Variants in DIAPH2 observed in about 807,000 individuals in gnomAD.
DIAPH2 encodes the protein protein diaphanous homolog 2.
A neutral mutation model predicts 92.7 loss-of-function variants in DIAPH2; 35 were observed. That is an observed-to-expected ratio of 0.38 (90% CI 0.29 to 0.50). The LOEUF (loss-of-function observed/expected upper bound fraction) is 0.50, where lower values mean the gene tolerates loss of function less well. DIAPH2 is among the 20% of genes least tolerant of loss of function. DIAPH2 has a pLI of 0.94. For synonymous variants in DIAPH2, 301 were observed against 280.4 expected, an observed-to-expected ratio of 1.07 and a Z score of -0.73; for missense variants, 701 against 819.5, an observed-to-expected ratio of 0.86 and a Z score of 1.77.
At chrX:97,540,765 T>G (rs1161429936) in intron 26 of DIAPH2, among the ~76,000 whole-genome samples, 1 of 111,944 alleles carries the variant, frequency 8.9e-6, no homozygotes, top group African/African-American at 3.2e-5. Flanking sequence ...GCTTGACAAA[T>G]AATAATGAGC....
chrX:97,201,131 A>ACT (rs567588102), intron 22 of DIAPH2, among the ~76,000 whole-genome samples: 1 of 68,903 alleles, frequency 1.5e-5, no homozygotes, highest in African/African-American at 5.9e-5. Flanking sequence ...AACAAGAAAG[A>ACT]CCCCCCCCCC....
chrX:96,778,514 A>G (rs1276605318), intron 4 of DIAPH2, among the ~76,000 whole-genome samples: 1 of 110,964 alleles, frequency 9.0e-6, no homozygotes, highest in Admixed American at 9.7e-5. Context: ...ACTTTCTCCT[A>G]TATAAACATA....
At chrX:97,523,806 A>G (rs768968097) in intron 26 of DIAPH2, among the ~76,000 whole-genome samples, 1 of 111,959 alleles carries the variant, frequency 8.9e-6, no homozygotes, top group East Asian at 2.8e-4. Flanking sequence ...AAACTGTTGT[A>G]AGCTATTGAT....
chrX:96,832,952 G>T (rs2147691270), intron 4 of DIAPH2, among the ~76,000 whole-genome samples: 1 of 111,964 alleles, frequency 8.9e-6, no homozygotes, highest in African/African-American at 3.2e-5. Context: ...AACAATGGAA[G>T]AAGTATTGAT....
At chrX:97,082,615 G>A (rs372365503) in intron 19 of DIAPH2, among the ~76,000 whole-genome samples, 4 of 111,348 alleles carry the variant, frequency 3.6e-5, no homozygotes, top group East Asian at 5.6e-4. Flanking sequence ...CTGGGCGACA[G>A]AGCGAGACTC....
intron 23 of DIAPH2, among the ~76,000 whole-genome samples, chrX:97,293,330 G>A (rs1222961596): frequency 2.1e-5 from 2 of 93,293 alleles, no homozygotes; most frequent in African/African-American, 8.5e-5. Flanking sequence ...TTGGCTCACT[G>A]CAACCTCCGC....
intron 23 of DIAPH2, among the ~76,000 whole-genome samples, chrX:97,325,744 A>C (rs2068945658): frequency 9.1e-6 from 1 of 109,930 alleles, no homozygotes; most frequent in African/African-American, 3.3e-5. Flanking sequence ...CGCCCAGCTA[A>C]TTTTTTGTAT....
At chrX:97,370,911 C>A (rs964655438) in intron 24 of DIAPH2, among the ~76,000 whole-genome samples, 18 of 112,124 alleles carry the variant, frequency 1.6e-4, no homozygotes, top group African/African-American at 5.5e-4. Flanking sequence ...CCAAAGGTGG[C>A]TATTTGTAGG....
At chrX:97,202,751 A>G (rs923325893) in intron 22 of DIAPH2, among the ~76,000 whole-genome samples, 5 of 111,531 alleles carry the variant, frequency 4.5e-5, no homozygotes, top group Non-Finnish European at 9.4e-5. Flanking sequence ...TTAACACCCC[A>G]CTGTCAATGT....
At position 96,951,015 on chromosome X, in the gene DIAPH2, G is replaced by A. The variant is rs781211350; in HGVS notation, c.1614+1976G>A. Among the ~76,000 whole-genome samples the A allele has an allele frequency of 6.3e-5, 7 of 111,755 alleles. No homozygotes were observed. The South Asian group carries it at 1.5e-3, about 24-fold the overall frequency. On this transcript the variant is annotated intron_variant, in intron 15 of 26. Coordinates refer to ENST00000324765, the MANE Select transcript of DIAPH2 (RefSeq NM_006729.5). Reference sequence around the variant, plus strand: ...TTCCATAGTCCAATAAATTGAGTACGCATGAAATTCTCATCTTAGAGATTC... The same window carrying A: ...TTCCATAGTCCAATAAATTGAGTACACATGAAATTCTCATCTTAGAGATTC...
chrX:97,311,256 G>T (rs192234733), intron 23 of DIAPH2, among the ~76,000 whole-genome samples: 3 of 111,356 alleles, frequency 2.7e-5, no homozygotes, highest in Non-Finnish European at 5.7e-5. Context: ...AGTAATCTAG[G>T]CTAGTATTAG....
intron 26 of DIAPH2, among the ~76,000 whole-genome samples, chrX:97,502,654 G>A (rs4827902): frequency 0.42 from 46,419 of 111,458 alleles, 8,169 homozygotes; most frequent in Non-Finnish European, 0.56. Flanking sequence ...ATTGTTAATT[G>A]CAAATGTAAG....
At chrX:97,148,539 A>C (rs1231199153) in intron 22 of DIAPH2, among the ~76,000 whole-genome samples, 1 of 110,602 alleles carries the variant, frequency 9.0e-6, no homozygotes, top group Non-Finnish European at 1.9e-5. Flanking sequence ...CAAAGACTGT[A>C]TTCTTTTTGT....
intron 22 of DIAPH2, among the ~76,000 whole-genome samples, chrX:97,194,438 A>C (rs369994727): frequency 0.03 from 3,325 of 109,159 alleles, 50 homozygotes; most frequent in Middle Eastern, 0.056. Context: ...CCCGCCACCA[A>C]GCCCGGCTAA....
chrX:97,195,046 A>G (rs938097995), intron 22 of DIAPH2, among the ~76,000 whole-genome samples: 2 of 111,997 alleles, frequency 1.8e-5, no homozygotes, highest in African/African-American at 6.5e-5. Context: ...CTAGGTGGCT[A>G]TTGTTTAGTC....
chrX:96,909,695 T>C (rs2065457591), intron 5 of DIAPH2, among the ~76,000 whole-genome samples: 1 of 111,714 alleles, frequency 9.0e-6, no homozygotes, highest in Non-Finnish European at 1.9e-5. Context: ...TTAAGACTTT[T>C]CCCTGTCTAG....
intron 5 of DIAPH2, among the ~76,000 whole-genome samples, chrX:96,883,481 A>T (rs906024843): frequency 5.5e-5 from 6 of 108,670 alleles, no homozygotes; most frequent in Non-Finnish European, 1.1e-4. Context: ...CCTGGGTTCA[A>T]GCGATTCTCC....
intron 26 of DIAPH2, among the ~76,000 whole-genome samples, chrX:97,518,803 G>A (rs2070970116): frequency 9.0e-6 from 1 of 110,641 alleles, no homozygotes; most frequent in African/African-American, 3.3e-5. Context: ...CTGTAGCTGA[G>A]GATAATAGCT....
intron 17 of DIAPH2, among the ~76,000 whole-genome samples, chrX:97,071,812 G>C (rs1362954500): frequency 9.0e-6 from 1 of 111,569 alleles, no homozygotes; most frequent in Non-Finnish European, 1.9e-5. Flanking sequence ...TAATGCATTT[G>C]TGGTCTTTTT....
Sources: allele counts gnomAD v4.1 joint callset (sites outside exome capture counted in the v4.1 genomes callset), GRCh38; gene constraint gnomAD v4.1.1; transcripts MANE v1.5; gene names NCBI Gene and HGNC (gene_info 2026-07-23, HGNC 2026-07-21).